PPP1R12B: variants seen among roughly 807,000 people sequenced by gnomAD.
PPP1R12B encodes the protein myosin phosphatase target subunit 2.
PPP1R12B carries 76 observed loss-of-function variants against 126.1 expected under a neutral mutation model. The observed-to-expected ratio is 0.60, with a 90% CI of 0.50 to 0.73. The LOEUF (loss-of-function observed/expected upper bound fraction) is 0.73. Ranked by LOEUF, PPP1R12B falls within the 30% of genes least tolerant of loss-of-function variation. PPP1R12B has a pLI of 0.00. For synonymous variants in PPP1R12B, 356 were observed against 434.7 expected, an observed-to-expected ratio of 0.82 and a Z score of 2.25; for missense variants, 1,052 against 1,205.1, an observed-to-expected ratio of 0.87 and a Z score of 1.88.
At chr1:202,430,875 A>C in intron 7 of PPP1R12B, 65 bp downstream of exon 7, 1 of 1,545,528 alleles carries the variant, frequency 6.5e-7, no homozygotes, top group Non-Finnish European at 8.7e-7. Flanking sequence ...ACTTAACTTC[A>C]GAATTTATAA....
At chr1:202,384,610 A>G (rs1662838436) in intron 1 of PPP1R12B, among the ~76,000 whole-genome samples, 1 of 152,228 alleles carries the variant, frequency 6.6e-6, no homozygotes, top group Non-Finnish European at 1.5e-5. Context: ...AGAGATGAAA[A>G]TGTCCTGAAA....
At chr1:202,506,377 A>C (rs183144243) in intron 18 of PPP1R12B, among the ~76,000 whole-genome samples, 1 of 152,198 alleles carries the variant, frequency 6.6e-6, no homozygotes, top group Non-Finnish European at 1.5e-5. Flanking sequence ...TATGGACTCT[A>C]TTAATTTTAG....
chr1:202,362,652 G>C lies in PPP1R12B; in HGVS notation c.291+13510G>C, dbSNP rs556054841. ...TCATGACAGAATCAGCAAGGCCCAG[G>C]GTTTTTGTTTTTTTTTTTTGTAATA... is the stretch of plus-strand genomic sequence containing the variant. On this transcript the variant is annotated intron_variant, in intron 1 of 23. Transcript: ENST00000608999. 2.5e-3 allele frequency among the ~76,000 whole-genome samples: 308 copies of C among 124,460 alleles called. 2 individuals are homozygous for C. Among genetic ancestry groups the C allele is most frequent in the African/African-American group, 7.7e-3 (297 of 38,660 alleles). The allele number at this position is 124,460 out of a possible 152,430, so 81.7% of individuals were successfully genotyped here.
intron 1 of PPP1R12B, among the ~76,000 whole-genome samples, chr1:202,407,314 C>T (rs983144332): frequency 6.6e-6 from 1 of 152,168 alleles, no homozygotes; most frequent in African/African-American, 2.4e-5. Flanking sequence ...ATGATACTTG[C>T]TCTTAATTGA....
rs775192221 is a variant in PPP1R12B, at chr1:202,348,953, G to A, written c.102G>A (p.Glu34=). Residue 34 remains glutamate, a synonymous_variant, in exon 1 of 24, where the codon GAG becomes GAA. Coordinates refer to ENST00000608999, the MANE Select transcript of PPP1R12B (RefSeq NM_002481.4). ...RRWRGSLTEQ[E]PAERRGAGRQ... is the part of the protein sequence containing the mutation. ...GGCGGGGCTCGCTGACAGAGCAGGA[G>A]CCTGCGGAGCGACGAGGCGCGGGGC... The A allele has an allele frequency of 3.7e-6, 6 of 1,602,528 alleles. No individual in the cohort carries two copies. In the African/African-American group the frequency reaches 6.7e-5, roughly 18 times the overall value.
intron 1 of PPP1R12B, among the ~76,000 whole-genome samples, chr1:202,377,832 GTTTTTTTTTTTTT>G (rs74860606): frequency 3.1e-5 from 3 of 97,304 alleles, no homozygotes; most frequent in African/African-American, 5.0e-5. Context: ...AAAGACAGGT[GTTTTTTTTTTTTT>G]TTTTTTTTTT....
At chr1:202,481,667 T>C (rs1243070047) in intron 13 of PPP1R12B, among the ~76,000 whole-genome samples, 4 of 152,252 alleles carry the variant, frequency 2.6e-5, no homozygotes, top group Non-Finnish European at 5.9e-5. Context: ...TGTTGTATAA[T>C]GATCTAATCA....
At chr1:202,359,559 C>T (rs1380453942) in intron 1 of PPP1R12B, among the ~76,000 whole-genome samples, 3 of 151,672 alleles carry the variant, frequency 2.0e-5, no homozygotes, top group African/African-American at 7.3e-5. Context: ...GCAGGTGAAT[C>T]ACCGGAGGTC....
At chr1:202,417,424 C>T in intron 2 of PPP1R12B, 4 of 984,318 alleles carry the variant, frequency 4.1e-6, no homozygotes, top group Non-Finnish European at 4.8e-6. Flanking sequence ...CATGTGTTCT[C>T]CACATTAGTT....
At chr1:202,351,386 C>T (rs1655977202) in intron 1 of PPP1R12B, among the ~76,000 whole-genome samples, 1 of 152,088 alleles carries the variant, frequency 6.6e-6, no homozygotes, top group African/African-American at 2.4e-5. Flanking sequence ...CTATAGGTGC[C>T]CACCACCATG....
Position 202,587,370 on chromosome 1 carries a change from CCA to C in PPP1R12B, c.*6811_*6812del, listed in dbSNP as rs1461790868. The C allele has an allele frequency of 6.6e-6, 1 of 152,220 alleles. No homozygotes were observed. The highest frequency in any genetic ancestry group is 1.5e-5 in the Non-Finnish European group (1 of 68,076). 9.4% of individuals were successfully genotyped at this position (152,220 alleles called of 1,614,324 possible). On this transcript the variant is annotated 3_prime_UTR_variant, in exon 24 of 24. Transcript: ENST00000608999. ...ACCACCACCACCACCGCCCCCTATT[CCA>C]GTTTCAAAGCTCCTCGGCTATGCTA...
In PPP1R12B at chr1:202,418,846, C is replaced by T. The variant is rs1422711242; in HGVS notation, c.422+1929C>T. Among the ~76,000 whole-genome samples the T allele has an allele frequency of 2.6e-5, 4 of 151,844 alleles. No homozygotes were observed. In the South Asian group the frequency reaches 6.2e-4, roughly 24 times the overall value. ...AAAACATTGTTTGTACTGTTCATTT[C>T]GGTTGCTTTACCTCAGGGCCAATGG... is the stretch of plus-strand genomic sequence containing the variant. On this transcript the variant is annotated intron_variant, in intron 2 of 23. Coordinates refer to ENST00000608999, the MANE Select transcript of PPP1R12B (RefSeq NM_002481.4).
chr1:202,527,695 A>G (rs1250574713), intron 18 of PPP1R12B, among the ~76,000 whole-genome samples: 1 of 151,986 alleles, frequency 6.6e-6, no homozygotes, highest in East Asian at 1.9e-4. Flanking sequence ...CACCTCCCCA[A>G]CCTCCTGCCC....
At chr1:202,456,827 C>T (rs1673703567) in intron 13 of PPP1R12B, among the ~76,000 whole-genome samples, 2 of 152,126 alleles carry the variant, frequency 1.3e-5, no homozygotes, top group South Asian at 4.1e-4. Context: ...AATTCAAAAC[C>T]ACCTTGAAGG....
intron 18 of PPP1R12B, among the ~76,000 whole-genome samples, chr1:202,517,122 A>G (rs1304306685): frequency 6.6e-6 from 1 of 152,254 alleles, no homozygotes; most frequent in Non-Finnish European, 1.5e-5. Context: ...CTTAGTTTTT[A>G]CAGAGTACAG....
intron 19 of PPP1R12B, among the ~76,000 whole-genome samples, chr1:202,560,876 A>G (rs1360383100): frequency 1.3e-5 from 2 of 152,196 alleles, no homozygotes; most frequent in African/African-American, 4.8e-5. Flanking sequence ...GTGAAGTGGG[A>G]AAAAATATTT....
chr1:202,524,650 A>G (rs1270689097), intron 18 of PPP1R12B, among the ~76,000 whole-genome samples: 1 of 152,148 alleles, frequency 6.6e-6, no homozygotes, highest in African/African-American at 2.4e-5. Flanking sequence ...TTCACTTAGA[A>G]TAATGGTCTC....
intron 1 of PPP1R12B, among the ~76,000 whole-genome samples, chr1:202,363,011 G>A (rs1224055477): frequency 1.3e-5 from 2 of 151,988 alleles, no homozygotes; most frequent in Non-Finnish European, 2.9e-5. Context: ...TTATTGTATT[G>A]TTATTGGAGA....
At chr1:202,507,601 A>G (rs1490491498) in intron 18 of PPP1R12B, among the ~76,000 whole-genome samples, 1 of 152,222 alleles carries the variant, frequency 6.6e-6, no homozygotes, top group Non-Finnish European at 1.5e-5. Context: ...TAAAAAACGT[A>G]TTCAAAACCA....
Sources: gnomAD v4.1 joint callset for allele counts (sites outside exome capture counted in the v4.1 genomes callset) on GRCh38, gnomAD v4.1.1 for gene constraint, MANE v1.5 for transcripts, NCBI Gene and HGNC (gene_info 2026-07-23, HGNC 2026-07-21) for gene names.